FAM184A: variants seen among roughly 807,000 people sequenced by gnomAD.
FAM184A encodes the protein family with sequence similarity 184 member A.
Under a neutral mutation model 143.8 loss-of-function variants are expected in FAM184A, and 99 were observed. That is an observed-to-expected ratio of 0.69 (90% confidence interval 0.58 to 0.81). The LOEUF is 0.81. FAM184A is among the 40% of genes least tolerant of loss of function. The pLI is 0.00. For synonymous variants in FAM184A, 427 were observed against 446.4 expected (o/e 0.96, Z 0.55); for missense variants, 1,217 against 1,310.5 (o/e 0.93, Z 1.10).
intron 14 of FAM184A, among the ~76,000 whole-genome samples, chr6:118,970,899 G>A (rs1357043527): frequency 6.6e-6 from 1 of 152,100 alleles, no homozygotes; most frequent in African/African-American, 2.4e-5. Context: ...TGCCTAAAAA[G>A]CTGTATACAA....
At chr6:119,069,582 A>T (rs1787605377) in intron 1 of FAM184A, among the ~76,000 whole-genome samples, 1 of 152,196 alleles carries the variant, frequency 6.6e-6, no homozygotes, top group African/African-American at 2.4e-5. Flanking sequence ...AGACATGACA[A>T]GTAAAAGGGC....
intron 1 of FAM184A, among the ~76,000 whole-genome samples, chr6:119,054,054 C>T (rs1329928721): frequency 6.8e-6 from 1 of 146,968 alleles, no homozygotes; most frequent in Non-Finnish European, 1.5e-5. Flanking sequence ...AAGAAAAAAC[C>T]TTAAAGTTCT....
chr6:118,977,783 C>T (rs909996046), intron 11 of FAM184A, among the ~76,000 whole-genome samples: 3 of 152,056 alleles, frequency 2.0e-5, no homozygotes, highest in Non-Finnish European at 4.4e-5. Flanking sequence ...ACAGAATCTT[C>T]GTCATTGTAC....
chr6:119,053,945 C>T (rs1786861534), intron 1 of FAM184A, among the ~76,000 whole-genome samples: 1 of 152,184 alleles, frequency 6.6e-6, no homozygotes, highest in Non-Finnish European at 1.5e-5. Flanking sequence ...TCAGCAGGCA[C>T]TACACATAGT....
chr6:119,116,996 C>T (rs1426200469), intron 1 of FAM184A, among the ~76,000 whole-genome samples: 1 of 152,168 alleles, frequency 6.6e-6, no homozygotes, highest in Non-Finnish European at 1.5e-5. Context: ...AGGAAAGCCT[C>T]CCAGACAGGA....
rs1582612095 is a variant in FAM184A at position 119,096,459 on chromosome 6, A to C, written c.-202+52619T>G. 4.3e-5 allele frequency among the ~76,000 whole-genome samples: 2 copies of C among 46,572 alleles called. 1 individual carries two copies. Among genetic ancestry groups the C allele is most frequent in the African/African-American group, 1.5e-4 (2 of 13,364 alleles). 30.6% of individuals were successfully genotyped at this position (46,572 alleles called of 152,430 possible). A position where few individuals can be genotyped will look rare whatever the true frequency, so the allele number is the denominator to read the frequency against. On this transcript the variant is annotated intron_variant, in intron 1 of 16. Coordinates refer to the FAM184A transcript ENST00000352896. ...AGACCATCCTGGCTAACAAGGTGAA[A>C]CCCCGTCTCTACTAAAAATACAAAA...
intron 1 of FAM184A, among the ~76,000 whole-genome samples, chr6:119,148,522 G>A (rs896905695): frequency 8.6e-5 from 13 of 152,014 alleles, no homozygotes; most frequent in East Asian, 3.9e-4. Context: ...TCTTTGTCCC[G>A]CCCCTGCTCT....
At chr6:119,015,444 G>A (rs1019222278) in intron 5 of FAM184A, among the ~76,000 whole-genome samples, 4 of 152,314 alleles carry the variant, frequency 2.6e-5, no homozygotes, top group Non-Finnish European at 4.4e-5. Flanking sequence ...TGCGGGCCCC[G>A]GGCAGTGAGG....
Position 118,979,378 on chromosome 6 carries a change from T to G in FAM184A, c.2442A>C (p.Gly814=). 6.2e-7 allele frequency: 1 copy of G among 1,610,418 alleles called. No individual in the cohort carries two copies. Among genetic ancestry groups the G allele is most frequent in the South Asian group, 1.1e-5 (1 of 89,900 alleles). Residue 814 remains glycine, a synonymous_variant, in exon 11 of 18, where the codon GGA becomes GGC. Transcript: ENST00000338891. ...TTTTCAAAATACCAAGCATAGCCTTTCCTTCATCTTCTAATTCAAACCGAA... is the reference window on the plus strand; with the variant it reads ...TTTTCAAAATACCAAGCATAGCCTTGCCTTCATCTTCTAATTCAAACCGAA... The part of the protein sequence containing the change: ...QTLRFELEDE[G]KAMLASLRSE...
At chr6:118,968,649 G>T (rs889442092) in intron 14 of FAM184A, among the ~76,000 whole-genome samples, 1 of 152,194 alleles carries the variant, frequency 6.6e-6, no homozygotes, top group Non-Finnish European at 1.5e-5. Context: ...ATCATTAAAA[G>T]CAAAGTACAA....
chr6:119,062,530 G>C (rs1356812193), intron 1 of FAM184A, among the ~76,000 whole-genome samples: 2 of 152,068 alleles, frequency 1.3e-5, no homozygotes, highest in Admixed American at 6.5e-5. Flanking sequence ...GTGGTGGTGT[G>C]AGCCAATAGT....
intron 3 of FAM184A, among the ~76,000 whole-genome samples, chr6:119,022,623 C>A (rs941074736): frequency 2.0e-5 from 3 of 151,890 alleles, no homozygotes; most frequent in Non-Finnish European, 4.4e-5. Flanking sequence ...GCCTGTAATC[C>A]CAGCACTTTG....
chr6:118,975,816 C>T, intron 12 of FAM184A, 101 bp downstream of exon 12: 1 of 1,084,786 alleles, frequency 9.2e-7, no homozygotes, highest in Non-Finnish European at 1.3e-6. Context: ...AATGTGATAA[C>T]TAGTGAAAAT....
intron 1 of FAM184A, among the ~76,000 whole-genome samples, chr6:119,135,034 C>T (rs1361866692): frequency 6.6e-6 from 1 of 152,190 alleles, no homozygotes; most frequent in East Asian, 1.9e-4. Flanking sequence ...TACTTTCGTA[C>T]ATATGCACTA....
chr6:119,138,034 T>C (rs1047571325), intron 1 of FAM184A, among the ~76,000 whole-genome samples: 1 of 152,250 alleles, frequency 6.6e-6, no homozygotes, highest in Admixed American at 6.5e-5. Flanking sequence ...GGGAAATCAC[T>C]AACTTTCAGT....
intron 3 of FAM184A, among the ~76,000 whole-genome samples, chr6:119,022,053 C>CTTTTTTTTTTTTTTTTT (rs34128659): frequency 5.9e-5 from 5 of 84,392 alleles, no homozygotes; most frequent in East Asian, 4.2e-4. Context: ...TTCGTTCTTT[C>CTTTTTTTTTTTTTTTTT]TTTTTTTTTT....
rs977029986 is a variant in FAM184A, at chr6:119,061,531, C to CTTTTTTTTT, written c.159+16601_159+16609dup. Among the ~76,000 whole-genome samples the CTTTTTTTTT allele has an allele frequency of 1.2e-3, 70 of 58,560 alleles. 2 individuals are homozygous for CTTTTTTTTT. Among genetic ancestry groups the CTTTTTTTTT allele is most frequent in the Admixed American group, 1.4e-3 (7 of 4,892 alleles). 38.4% of individuals were successfully genotyped at this position (58,560 alleles called of 152,430 possible). On this transcript the variant is annotated intron_variant, in intron 1 of 17. Coordinates refer to ENST00000338891, the MANE Select transcript of FAM184A (RefSeq NM_024581.6). Reference sequence around the variant, plus strand: ...CTACCATGCCTGGCTAATTATTTTTCTTTTTTTTTTTTTTTTTTTTTTTTT... The same window carrying CTTTTTTTTT: ...CTACCATGCCTGGCTAATTATTTTTCTTTTTTTTTTTTTTTTTTTTTTTTTTTTTTTTTT...
At chr6:119,145,809 A>G (rs1180709079) in intron 1 of FAM184A, among the ~76,000 whole-genome samples, 1 of 152,250 alleles carries the variant, frequency 6.6e-6, no homozygotes, top group Non-Finnish European at 1.5e-5. Flanking sequence ...ATCATATACC[A>G]GGCATTGTGC....
Position 119,036,631 on chromosome 6 carries a change from T to C in FAM184A, c.160-11818A>G, listed in dbSNP as rs149567671. Among the ~76,000 whole-genome samples the C allele has an allele frequency of 2.6e-5, 4 of 152,194 alleles. No individual in the cohort carries two copies. In the East Asian group the frequency reaches 7.7e-4, roughly 29 times the overall value. ...CAGCTATGATTCAGGATCTGTGCAA[T>C]GGGATCTGTGCTACCATACTTCAAC... On this transcript the variant is annotated intron_variant, in intron 1 of 17. Transcript: ENST00000338891.
Sources: gnomAD v4.1 joint callset for allele counts (sites outside exome capture counted in the v4.1 genomes callset) on GRCh38, gnomAD v4.1.1 for gene constraint, MANE v1.5 for transcripts, NCBI Gene and HGNC (gene_info 2026-07-23, HGNC 2026-07-21) for gene names.